Variants in SNTG1 observed in about 807,000 individuals in gnomAD.
The protein encoded by SNTG1 is gamma-1-syntrophin.
Under a neutral mutation model 74.7 loss-of-function variants are expected in SNTG1, and 39 were observed. That is an observed-to-expected ratio of 0.52 (90% CI 0.40 to 0.68). The LOEUF is 0.68. Ranked by LOEUF, SNTG1 falls within the 30% of genes least tolerant of loss-of-function variation. SNTG1 has a pLI of 0.00. For missense variants in SNTG1, 685 were observed against 609.5 expected, an observed-to-expected ratio of 1.12 and a Z score of -1.30; for synonymous variants, 254 against 217.1, an observed-to-expected ratio of 1.17 and a Z score of -1.49.
chr8:49,951,481 A>G (rs987276168), intron 1 of SNTG1, among the ~76,000 whole-genome samples: 1 of 152,064 alleles, frequency 6.6e-6, no homozygotes, highest in African/African-American at 2.4e-5. Flanking sequence ...TTAATGGGAA[A>G]CCTGATTCCT....
intron 18 of SNTG1, among the ~76,000 whole-genome samples, chr8:50,781,759 G>A (rs1331512476): frequency 6.6e-6 from 1 of 152,112 alleles, no homozygotes; most frequent in Non-Finnish European, 1.5e-5. Flanking sequence ...GATGTTAGCT[G>A]GTTATTGTGC....
chr8:49,984,465 A>G (rs947613193), intron 1 of SNTG1, among the ~76,000 whole-genome samples: 4 of 152,140 alleles, frequency 2.6e-5, no homozygotes, highest in African/African-American at 9.7e-5. Context: ...TCGGCCTCCC[A>G]AAGTGCTGGG....
At chr8:50,514,955 C>A (rs889240795) in intron 9 of SNTG1, among the ~76,000 whole-genome samples, 1 of 152,154 alleles carries the variant, frequency 6.6e-6, no homozygotes, top group Non-Finnish European at 1.5e-5. Context: ...GGTGAATTGA[C>A]AGTTTTACTA....
At chr8:50,629,893 C>T (rs1377155341) in intron 13 of SNTG1, among the ~76,000 whole-genome samples, 4 of 152,130 alleles carry the variant, frequency 2.6e-5, no homozygotes, top group Non-Finnish European at 5.9e-5. Flanking sequence ...GCTACTGTGT[C>T]AAAAGAAATG....
At chr8:50,296,020 G>A (rs2089351616) in intron 2 of SNTG1, among the ~76,000 whole-genome samples, 1 of 152,146 alleles carries the variant, frequency 6.6e-6, no homozygotes, top group South Asian at 2.1e-4. Flanking sequence ...CTATGTTAAA[G>A]TGTTTAGGAA....
intron 1 of SNTG1, among the ~76,000 whole-genome samples, chr8:49,933,143 G>T (rs1173201931): frequency 1.3e-5 from 2 of 152,082 alleles, no homozygotes; most frequent in Non-Finnish European, 2.9e-5. Flanking sequence ...ATATCTAGCG[G>T]TGCAGTTGCT....
intron 1 of SNTG1, among the ~76,000 whole-genome samples, chr8:49,993,578 C>G (rs1415756756): frequency 6.6e-6 from 1 of 152,046 alleles, no homozygotes; most frequent in Non-Finnish European, 1.5e-5. Context: ...CCCGAAAGGC[C>G]AAGTGTGTGT....
intron 2 of SNTG1, among the ~76,000 whole-genome samples, chr8:50,330,456 A>G (rs1189006707): frequency 1.3e-5 from 2 of 152,164 alleles, no homozygotes; most frequent in African/African-American, 4.8e-5. Flanking sequence ...CATTCAAAAA[A>G]TCTCTAGAAA....
At chr8:50,320,478 T>C (rs543926887) in intron 2 of SNTG1, among the ~76,000 whole-genome samples, 2 of 152,178 alleles carry the variant, frequency 1.3e-5, no homozygotes, top group East Asian at 3.9e-4. Flanking sequence ...GTTGAATTGA[T>C]CTTTTGTATT....
chr8:50,335,896 G>A (rs549014693), intron 2 of SNTG1, among the ~76,000 whole-genome samples: 39 of 147,992 alleles, frequency 2.6e-4, no homozygotes, highest in African/African-American at 8.9e-4. Flanking sequence ...TCACTTGGGG[G>A]AAACAATTTC....
chr8:50,618,828 T>C (rs1031557332), intron 13 of SNTG1, among the ~76,000 whole-genome samples: 5 of 152,112 alleles, frequency 3.3e-5, no homozygotes, highest in Non-Finnish European at 7.4e-5. Flanking sequence ...GCTGTTTGCT[T>C]TTCAAGGCCA....
chr8:50,040,701 C>T (rs1170547616), intron 1 of SNTG1, among the ~76,000 whole-genome samples: 1 of 152,028 alleles, frequency 6.6e-6, no homozygotes, highest in Non-Finnish European at 1.5e-5. Flanking sequence ...TTATGTGAAC[C>T]TCATTTAGAC....
At chr8:50,284,447 T>A (rs2088648075) in intron 2 of SNTG1, among the ~76,000 whole-genome samples, 1 of 152,146 alleles carries the variant, frequency 6.6e-6, no homozygotes, top group African/African-American at 2.4e-5. Flanking sequence ...CTTATTTCAT[T>A]GTTCAAATGT....
chr8:49,964,135 C>T (rs1271808944), intron 1 of SNTG1, among the ~76,000 whole-genome samples: 1 of 152,170 alleles, frequency 6.6e-6, no homozygotes, highest in Non-Finnish European at 1.5e-5. Flanking sequence ...TCTAGATGTT[C>T]CTGTAAAGGT....
intron 1 of SNTG1, among the ~76,000 whole-genome samples, chr8:49,975,158 G>A (rs1011338369): frequency 9.9e-5 from 15 of 152,126 alleles, no homozygotes; most frequent in Admixed American, 2.0e-4. Flanking sequence ...CATATTTGGC[G>A]GAATAAAATT....
chr8:50,780,756 T>C (rs1005134643), intron 18 of SNTG1, among the ~76,000 whole-genome samples: 46 of 152,180 alleles, frequency 3.0e-4, no homozygotes, highest in African/African-American at 8.9e-4. Context: ...CTTTTGAATG[T>C]GTTTGCTCTT....
Position 50,120,955 on chromosome 8 carries a change from T to C in SNTG1, c.-102-51606T>C, listed in dbSNP as rs1272792952. Among the ~76,000 whole-genome samples, 9 of 142,020 alleles carry C rather than the reference T, an allele frequency of 6.3e-5. 1 individual carries two copies. The highest frequency in any genetic ancestry group is 2.0e-4 in the African/African-American group (8 of 39,368). 93.2% of individuals were successfully genotyped at this position (142,020 alleles called of 152,430 possible). A position where few individuals can be genotyped will look rare whatever the true frequency, so the allele number is the denominator to read the frequency against. ...GTTGCCATAACTTCGCATAAACGTA[T>C]CGTAGGACAATCTGACTTATAGGAA... On this transcript the variant is annotated intron_variant, in intron 1 of 18. Coordinates refer to ENST00000642720, the MANE Select transcript of SNTG1 (RefSeq NM_018967.5).
intron 8 of SNTG1, among the ~76,000 whole-genome samples, chr8:50,491,659 C>T (rs897691822): frequency 6.6e-6 from 1 of 152,170 alleles, no homozygotes; most frequent in Non-Finnish European, 1.5e-5. Flanking sequence ...CTGCTGGAGC[C>T]GCCCATGCTG....
At chr8:50,312,214 G>A (rs1382739957) in intron 2 of SNTG1, among the ~76,000 whole-genome samples, 1 of 151,942 alleles carries the variant, frequency 6.6e-6, no homozygotes. Context: ...TATTATCTGG[G>A]ATTTCAGTGA....
Sources: gnomAD v4.1 joint callset for allele counts (sites outside exome capture counted in the v4.1 genomes callset) on GRCh38, gnomAD v4.1.1 for gene constraint, MANE v1.5 for transcripts, NCBI Gene and HGNC (gene_info 2026-07-23, HGNC 2026-07-21) for gene names.